PDE7B: variants seen among roughly 807,000 people sequenced by gnomAD.
The protein encoded by PDE7B is 3',5'-cyclic-AMP phosphodiesterase 7B.
PDE7B carries 29 observed loss-of-function variants against 56.2 expected under a neutral mutation model. That is an observed-to-expected ratio of 0.52 (90% CI 0.38 to 0.70). The LOEUF is 0.70. PDE7B is among the 30% of genes least tolerant of loss of function. The pLI is 0.00. For missense variants in PDE7B, 490 were observed against 565.0 expected, an observed-to-expected ratio of 0.87 and a Z score of 1.35; for synonymous variants, 197 against 196.9, an observed-to-expected ratio of 1.00 and a Z score of 0.00.
chr6:136,076,732 A>G (rs1330959915), intron 2 of PDE7B, among the ~76,000 whole-genome samples: 2 of 152,126 alleles, frequency 1.3e-5, no homozygotes, highest in African/African-American at 4.8e-5. Flanking sequence ...GGAGCTTCTG[A>G]ACTTAATAAT....
chr6:135,926,355 G>A (rs1442891392), intron 1 of PDE7B, among the ~76,000 whole-genome samples: 1 of 152,086 alleles, frequency 6.6e-6, no homozygotes, highest in East Asian at 1.9e-4. Flanking sequence ...CCAAAGTGCT[G>A]GGATTACAGG....
In PDE7B at chr6:136,005,926, T is replaced by C. The variant is rs1296597493; in HGVS notation, c.82+58402T>C. Among the ~76,000 whole-genome samples the C allele has an allele frequency of 3.9e-5, 6 of 152,010 alleles. No homozygotes were observed. In the East Asian group the frequency reaches 9.7e-4, roughly 25 times the overall value. On this transcript the variant is annotated intron_variant, in intron 2 of 12. Coordinates refer to ENST00000308191, the MANE Select transcript of PDE7B (RefSeq NM_018945.4). ...CACGTGTATGTTTATTGCGGCACTA[T>C]TCACAATAGCAAAGACTTGGAACCA...
At chr6:136,132,214 C>T (rs1185532650) in intron 3 of PDE7B, among the ~76,000 whole-genome samples, 3 of 152,134 alleles carry the variant, frequency 2.0e-5, no homozygotes, top group African/African-American at 7.2e-5. Context: ...CCCCCAGCCC[C>T]TAGCAACCAC....
intron 2 of PDE7B, among the ~76,000 whole-genome samples, chr6:136,006,569 G>A (rs147527730): frequency 2.0e-5 from 3 of 151,964 alleles, no homozygotes; most frequent in Non-Finnish European, 4.4e-5. Context: ...CCATTTGTTT[G>A]TCATATCTAG....
chr6:135,865,615 TTGTGTG>T (rs3037648), intron 1 of PDE7B, among the ~76,000 whole-genome samples: 1,906 of 142,320 alleles, frequency 0.013, 26 homozygotes, highest in South Asian at 0.036. Flanking sequence ...GCACTAGGCA[TTGTGTG>T]TGTGTGTGTG....
intron 1 of PDE7B, among the ~76,000 whole-genome samples, chr6:135,922,558 T>A (rs560683839): frequency 6.6e-6 from 1 of 152,170 alleles, no homozygotes; most frequent in African/African-American, 2.4e-5. Flanking sequence ...AATTACCATA[T>A]TGGAGAGGAG....
At chr6:135,903,960 TTA>T (rs796155319) in intron 1 of PDE7B, among the ~76,000 whole-genome samples, 10 of 151,926 alleles carry the variant, frequency 6.6e-5, no homozygotes, top group African/African-American at 2.4e-4. Flanking sequence ...CAATATAGAT[TTA>T]GAGTTGCTTT....
chr6:136,020,696 A>G (rs925954011), intron 2 of PDE7B, among the ~76,000 whole-genome samples: 1 of 152,192 alleles, frequency 6.6e-6, no homozygotes, highest in African/African-American at 2.4e-5. Flanking sequence ...TCTGTTTGCT[A>G]TGGTCTCTAA....
intron 2 of PDE7B, among the ~76,000 whole-genome samples, chr6:136,063,490 A>G (rs1374547382): frequency 6.6e-6 from 1 of 152,216 alleles, no homozygotes; most frequent in Non-Finnish European, 1.5e-5. Flanking sequence ...TTTTGCACCT[A>G]GACTACTGCA....
intron 1 of PDE7B, among the ~76,000 whole-genome samples, chr6:135,883,341 T>G (rs1775644381): frequency 6.6e-6 from 1 of 152,210 alleles, no homozygotes; most frequent in South Asian, 2.1e-4. Flanking sequence ...CATTTGCTTA[T>G]GTTTTCTGCT....
Position 136,069,214 on chromosome 6 carries a change from T to C in PDE7B, c.83-39517T>C, listed in dbSNP as rs190640744. Among the ~76,000 whole-genome samples, 22 of 152,304 alleles carry C rather than the reference T, an allele frequency of 1.4e-4. No individual in the cohort carries two copies. In the East Asian group the frequency reaches 4.2e-3, roughly 29 times the overall value. Reference sequence around the variant, plus strand: ...CATAGCAAAGGAGAAAGAAATAATTTTGAAATAACTTTAAAATGTGCTTTT... The same window carrying C: ...CATAGCAAAGGAGAAAGAAATAATTCTGAAATAACTTTAAAATGTGCTTTT... On this transcript the variant is annotated intron_variant, in intron 2 of 12. Transcript: ENST00000308191.
chr6:135,883,105 G>C (rs757546050), intron 1 of PDE7B, among the ~76,000 whole-genome samples: 73 of 151,968 alleles, frequency 4.8e-4, no homozygotes, highest in Admixed American at 2.8e-3. Context: ...CACTCCATTT[G>C]GTCAAGTTTT....
rs567557724 is a variant in PDE7B, at chr6:135,861,641, A to G, written c.21+9622A>G. 3.3e-5 allele frequency among the ~76,000 whole-genome samples: 5 copies of G among 151,344 alleles called. No homozygotes were observed. In the South Asian group the frequency reaches 8.4e-4, roughly 25 times the overall value. On this transcript the variant is annotated intron_variant, in intron 1 of 12. Transcript: ENST00000308191. The stretch of plus-strand genomic sequence containing the variant: ...GTTTTTATCATTTTTGATTCTTTAC[A>G]TTTTCATAATAATTTTAGAATTAAC...
intron 2 of PDE7B, among the ~76,000 whole-genome samples, chr6:136,042,760 AC>A (rs1463593949): frequency 6.6e-6 from 1 of 152,246 alleles, no homozygotes; most frequent in African/African-American, 2.4e-5. Context: ...AGTATCAAGC[AC>A]AATATAAATC....
chr6:136,191,105 GT>G (rs1367559114), intron 12 of PDE7B, among the ~76,000 whole-genome samples: 1 of 146,642 alleles, frequency 6.8e-6, no homozygotes, highest in Non-Finnish European at 1.5e-5. Context: ...TGTGCCAAGA[GT>G]TTTCTAAGCA....
chr6:135,928,827 G>A (rs917968199), intron 1 of PDE7B, among the ~76,000 whole-genome samples: 7 of 151,896 alleles, frequency 4.6e-5, no homozygotes, highest in African/African-American at 1.7e-4. Flanking sequence ...GGTGGGAGAG[G>A]CAGTGTGGGT....
At chr6:136,121,979 G>A (rs1777941865) in intron 3 of PDE7B, among the ~76,000 whole-genome samples, 1 of 152,056 alleles carries the variant, frequency 6.6e-6, no homozygotes, top group Admixed American at 6.6e-5. Flanking sequence ...ACCAGTGATG[G>A]TCTTGAATGC....
At chr6:136,073,875 A>G (rs1331771320) in intron 2 of PDE7B, among the ~76,000 whole-genome samples, 2 of 152,188 alleles carry the variant, frequency 1.3e-5, no homozygotes, top group African/African-American at 4.8e-5. Context: ...CTTGTTGTGA[A>G]AGTACAATGC....
At chr6:136,013,268 C>T (rs1775923346) in intron 2 of PDE7B, among the ~76,000 whole-genome samples, 1 of 152,168 alleles carries the variant, frequency 6.6e-6, no homozygotes, top group Non-Finnish European at 1.5e-5. Context: ...AAAATTTCCT[C>T]ATAATAAATC....
Sources: gnomAD v4.1 joint callset for allele counts (sites outside exome capture counted in the v4.1 genomes callset) on GRCh38, gnomAD v4.1.1 for gene constraint, MANE v1.5 for transcripts, NCBI Gene and HGNC (gene_info 2026-07-23, HGNC 2026-07-21) for gene names.